Variants in MACROD2 observed in about 807,000 individuals in gnomAD.
MACROD2 encodes the protein ADP-ribose glycohydrolase MACROD2.
A neutral mutation model predicts 70.4 loss-of-function variants in MACROD2; 36 were observed. The observed-to-expected ratio is 0.51, with a 90% confidence interval of 0.39 to 0.68. The LOEUF (loss-of-function observed/expected upper bound fraction) is 0.68. Among genes scored for constraint, MACROD2 ranks in the 30% least tolerant of loss-of-function variants. The pLI is 0.00. For synonymous variants in MACROD2, 172 were observed against 178.8 expected, an observed-to-expected ratio of 0.96 and a Z score of 0.30; for missense variants, 496 against 538.4, an observed-to-expected ratio of 0.92 and a Z score of 0.78.
intron 5 of MACROD2, among the ~76,000 whole-genome samples, chr20:15,066,601 C>T (rs2123095806): frequency 6.6e-6 from 1 of 152,112 alleles, no homozygotes; most frequent in Middle Eastern, 3.4e-3. Context: ...TGAACTCGGC[C>T]AGGAGCAGTG....
chr20:14,415,205 A>C (rs2083790743), intron 3 of MACROD2, among the ~76,000 whole-genome samples: 1 of 152,184 alleles, frequency 6.6e-6, no homozygotes. Context: ...AGAGGTTGCA[A>C]ATCTGAGGGT....
intron 3 of MACROD2, among the ~76,000 whole-genome samples, chr20:14,101,932 G>C (rs1053470531): frequency 7.1e-6 from 1 of 140,132 alleles, no homozygotes; most frequent in African/African-American, 2.6e-5. Flanking sequence ...GAGCACTTAA[G>C]TTCATACTTT....
At chr20:15,466,749 A>T (rs1220372735) in intron 7 of MACROD2, among the ~76,000 whole-genome samples, 2 of 152,224 alleles carry the variant, frequency 1.3e-5, no homozygotes, top group Non-Finnish European at 2.9e-5. Flanking sequence ...TAAACTGATT[A>T]TGTGACAGTT....
intron 8 of MACROD2, among the ~76,000 whole-genome samples, chr20:15,819,292 T>G (rs1222642970): frequency 7.2e-6 from 1 of 138,416 alleles, no homozygotes; most frequent in Non-Finnish European, 1.5e-5. Context: ...ATATTTTATA[T>G]ATAAGTATAT....
chr20:14,397,925 C>G (rs572763292), intron 3 of MACROD2, among the ~76,000 whole-genome samples: 184 of 151,432 alleles, frequency 1.2e-3, no homozygotes, highest in Non-Finnish European at 2.1e-3. Flanking sequence ...TAATTCTACT[C>G]TTTCCTTCTA....
At chr20:14,447,303 C>T (rs1466919182) in intron 3 of MACROD2, among the ~76,000 whole-genome samples, 3 of 152,126 alleles carry the variant, frequency 2.0e-5, no homozygotes, top group Admixed American at 2.0e-4. Flanking sequence ...CAGGCGTGAG[C>T]CACTGCGCCC....
At chr20:15,121,619 T>G (rs972146973) in intron 5 of MACROD2, among the ~76,000 whole-genome samples, 1 of 152,124 alleles carries the variant, frequency 6.6e-6, no homozygotes, top group Non-Finnish European at 1.5e-5. Flanking sequence ...ATGTCTAGGC[T>G]AAGTTTTCTT....
chr20:14,187,139 G>GAAAAAAAA (rs71335951), intron 3 of MACROD2, among the ~76,000 whole-genome samples: 2 of 112,972 alleles, frequency 1.8e-5, no homozygotes, highest in Non-Finnish European at 1.8e-5. Context: ...TTTAAAAAAG[G>GAAAAAAAA]AAAAAAAAAA....
chr20:15,058,770 C>G (rs1344308617), intron 5 of MACROD2, among the ~76,000 whole-genome samples: 2 of 152,168 alleles, frequency 1.3e-5, no homozygotes, highest in East Asian at 3.9e-4. Flanking sequence ...AAAATGTAAC[C>G]ATCTGTCCAA....
chr20:15,848,197 C>G (rs2064255152), intron 8 of MACROD2, among the ~76,000 whole-genome samples: 1 of 151,718 alleles, frequency 6.6e-6, no homozygotes, highest in African/African-American at 2.4e-5. Context: ...ATCAATCACT[C>G]TCTCTCTCTC....
chr20:14,256,664 G>A (rs1382123895), intron 3 of MACROD2, among the ~76,000 whole-genome samples: 3 of 152,042 alleles, frequency 2.0e-5, no homozygotes, highest in African/African-American at 7.2e-5. Context: ...TCTTCCTAAG[G>A]TCTCCTAATG....
intron 3 of MACROD2, among the ~76,000 whole-genome samples, chr20:14,287,205 T>C (rs534920648): frequency 7.9e-5 from 12 of 152,296 alleles, no homozygotes; most frequent in African/African-American, 1.4e-4. Context: ...GATGGATATA[T>C]AAGAATCACC....
chr20:15,073,915 C>A (rs2075638302), intron 5 of MACROD2, among the ~76,000 whole-genome samples: 1 of 151,984 alleles, frequency 6.6e-6, no homozygotes, highest in African/African-American at 2.4e-5. Flanking sequence ...AAATGATGTA[C>A]TTTTAGAATT....
intron 7 of MACROD2, among the ~76,000 whole-genome samples, chr20:15,490,450 A>G (rs779887651): frequency 6.6e-6 from 1 of 151,970 alleles, no homozygotes; most frequent in Non-Finnish European, 1.5e-5. Flanking sequence ...TTGTAGAGAT[A>G]AGATCTCTCT....
intron 8 of MACROD2, among the ~76,000 whole-genome samples, chr20:15,780,653 G>A (rs533204210): frequency 6.6e-6 from 1 of 152,056 alleles, no homozygotes; most frequent in African/African-American, 2.4e-5. Context: ...TTGATGAATG[G>A]TGGTTGCTAT....
At chr20:14,575,818 A>G (rs1440693952) in intron 4 of MACROD2, among the ~76,000 whole-genome samples, 2 of 152,226 alleles carry the variant, frequency 1.3e-5, no homozygotes, top group East Asian at 1.9e-4. Flanking sequence ...ACACAGGTCA[A>G]TGACCTTTAT....
At chr20:14,145,329 G>T (rs976466010) in intron 3 of MACROD2, among the ~76,000 whole-genome samples, 1 of 152,060 alleles carries the variant, frequency 6.6e-6, no homozygotes, top group Admixed American at 6.5e-5. Flanking sequence ...AGTGTTTGTG[G>T]TAGGTATAAA....
intron 5 of MACROD2, among the ~76,000 whole-genome samples, chr20:14,994,858 G>T (rs1010573964): frequency 1.2e-4 from 19 of 152,002 alleles, no homozygotes; most frequent in Admixed American, 3.9e-4. Flanking sequence ...GGTTGATCTG[G>T]CTGTGCATGG....
chr20:15,663,281 G>A lies in MACROD2; in HGVS notation c.645+163434G>A, dbSNP rs895841925. On this transcript the variant is annotated intron_variant, in intron 8 of 17. Transcript: ENST00000684519. ...GACAGAGTCTTGCTCTGTCACCCGC[G>A]CTGTACTGCAGTGGTGTGATCTCAG... Among the ~76,000 whole-genome samples, 10 of 144,794 alleles carry A rather than the reference G, an allele frequency of 6.9e-5. No homozygotes were observed. In the South Asian group the frequency reaches 1.7e-3, roughly 25 times the overall value. 95.0% of individuals were successfully genotyped at this position (144,794 alleles called of 152,430 possible).
Sources: gnomAD v4.1 joint callset for allele counts (sites outside exome capture counted in the v4.1 genomes callset) on GRCh38, gnomAD v4.1.1 for gene constraint, MANE v1.5 for transcripts, NCBI Gene and HGNC (gene_info 2026-07-23, HGNC 2026-07-21) for gene names.